Variants in NCKAP5 observed in about 807,000 individuals in gnomAD.
The protein encoded by NCKAP5 is NCK associated protein 5.
In NCKAP5, 92 loss-of-function variants were observed where a neutral mutation model predicts 167.0. The ratio of observed to expected loss-of-function variants is 0.55; its 90% CI spans 0.47 to 0.66. The LOEUF is 0.66. Ranked by LOEUF, NCKAP5 falls within the 30% of genes least tolerant of loss-of-function variation. NCKAP5 has a pLI of 0.00. For synonymous variants in NCKAP5, 891 were observed against 877.4 expected, an observed-to-expected ratio of 1.02 and a Z score of -0.27; for missense variants, 2,378 against 2,315.0, an observed-to-expected ratio of 1.03 and a Z score of -0.56.
chr2:133,313,717 G>A (rs1212925671), intron 3 of NCKAP5, among the ~76,000 whole-genome samples: 2 of 151,818 alleles, frequency 1.3e-5, no homozygotes, highest in Non-Finnish European at 2.9e-5. Flanking sequence ...TCAGTAACAT[G>A]TCATTTGTCA....
intron 3 of NCKAP5, among the ~76,000 whole-genome samples, chr2:133,354,224 T>C (rs977482323): frequency 6.6e-6 from 1 of 151,920 alleles, no homozygotes; most frequent in Non-Finnish European, 1.5e-5. Context: ...AGAGACAAAC[T>C]TCCTTTCCTA....
intron 5 of NCKAP5, among the ~76,000 whole-genome samples, chr2:133,202,156 C>G (rs2085723002): frequency 6.6e-6 from 1 of 152,130 alleles, no homozygotes; most frequent in Non-Finnish European, 1.5e-5. Context: ...CTACAGTAAC[C>G]AAAACAGCAT....
At chr2:133,540,036 T>C (rs1411276502) in intron 2 of NCKAP5, among the ~76,000 whole-genome samples, 11 of 152,188 alleles carry the variant, frequency 7.2e-5, no homozygotes, top group Middle Eastern at 3.4e-3. Flanking sequence ...TAAAGTTAGC[T>C]GGGCGTGGTA....
At chr2:132,920,781 A>ATGTATG (rs1384191821) in intron 8 of NCKAP5, among the ~76,000 whole-genome samples, 1 of 46,102 alleles carries the variant, frequency 2.2e-5, no homozygotes, top group Non-Finnish European at 3.8e-5. Flanking sequence ...GTATATATAT[A>ATGTATG]TATATATATA....
intron 3 of NCKAP5, among the ~76,000 whole-genome samples, chr2:133,503,264 T>C (rs61599793): frequency 0.062 from 9,454 of 152,282 alleles, 327 homozygotes; most frequent in South Asian, 0.16. Flanking sequence ...ACTGGGGGTA[T>C]AACTGTGAAC....
intron 8 of NCKAP5, among the ~76,000 whole-genome samples, chr2:132,890,589 G>C (rs1466763085): frequency 1.3e-5 from 2 of 152,170 alleles, no homozygotes; most frequent in Admixed American, 1.3e-4. Context: ...CCAGCCAGGT[G>C]AGTGCATTTT....
intron 15 of NCKAP5, among the ~76,000 whole-genome samples, chr2:132,774,771 G>A (rs567509272): frequency 6.6e-6 from 1 of 152,198 alleles, no homozygotes; most frequent in African/African-American, 2.4e-5. Flanking sequence ...TACTGGGCAG[G>A]TGCTGTTTGC....
intron 12 of NCKAP5, among the ~76,000 whole-genome samples, chr2:132,793,625 A>C (rs758485287): frequency 6.6e-6 from 1 of 152,218 alleles, no homozygotes; most frequent in Non-Finnish European, 1.5e-5. Context: ...CTCTTATGTG[A>C]GTTCCCTAGC....
intron 3 of NCKAP5, among the ~76,000 whole-genome samples, chr2:133,322,343 C>A (rs1682116764): frequency 6.6e-6 from 1 of 152,194 alleles, no homozygotes. Context: ...AAAAAGGTAT[C>A]ATCTGTGATT....
At chr2:133,352,155 C>T (rs1403211827) in intron 3 of NCKAP5, among the ~76,000 whole-genome samples, 2 of 152,154 alleles carry the variant, frequency 1.3e-5, no homozygotes, top group Non-Finnish European at 2.9e-5. Context: ...CCATTTAAAA[C>T]CTAAATAACC....
chr2:133,651,611 C>G, the NCKAP5 span, among the ~76,000 whole-genome samples: 3 of 152,078 alleles, frequency 2.0e-5, no homozygotes, highest in Non-Finnish European at 4.4e-5. Flanking sequence ...ATGGAAGTTC[C>G]TCAAAAATCA....
chr2:132,863,453 AAAAAAAAAAAAG>A lies in NCKAP5; in HGVS notation c.688-2854_688-2843del, dbSNP rs1690097502. On this transcript the variant is annotated intron_variant, in intron 10 of 19. Coordinates refer to ENST00000409261, the MANE Select transcript of NCKAP5 (RefSeq NM_207363.3). The stretch of plus-strand genomic sequence containing the variant: ...GAAAGAGTTCTTCAGATGGGTAAAA[AAAAAAAAAAAAG>A]AAAAAGAAAGAATGAAAGAAAAAAA... Among the ~76,000 whole-genome samples, 3 of 151,236 alleles carry A rather than the reference AAAAAAAAAAAAG, an allele frequency of 2.0e-5. No homozygotes were observed. In the South Asian group the frequency reaches 6.2e-4, roughly 31 times the overall value.
At chr2:133,217,318 TA>T (rs2086473377) in intron 4 of NCKAP5, among the ~76,000 whole-genome samples, 1 of 151,986 alleles carries the variant, frequency 6.6e-6, no homozygotes, top group Non-Finnish European at 1.5e-5. Flanking sequence ...TAGTCCCACC[TA>T]AACAAAAAAA....
chr2:133,011,145 A>G (rs924901184), intron 6 of NCKAP5, among the ~76,000 whole-genome samples: 4 of 152,184 alleles, frequency 2.6e-5, no homozygotes, highest in Non-Finnish European at 4.4e-5. Flanking sequence ...GATACACACA[A>G]CATTATTTTC....
At chr2:133,649,150 A>C in the NCKAP5 span, among the ~76,000 whole-genome samples, 4 of 151,542 alleles carry the variant, frequency 2.6e-5, no homozygotes, top group African/African-American at 9.7e-5. Flanking sequence ...AACATTAATA[A>C]ATTCCTAGAA....
chr2:133,274,322 C>A (rs2115865), intron 4 of NCKAP5, among the ~76,000 whole-genome samples: 2 of 151,700 alleles, frequency 1.3e-5, no homozygotes, highest in East Asian at 3.9e-4. Context: ...TTAGAAGATA[C>A]GAATAAACTT....
intron 16 of NCKAP5, among the ~76,000 whole-genome samples, chr2:132,772,597 G>A (rs986250809): frequency 2.0e-5 from 3 of 152,094 alleles, no homozygotes; most frequent in African/African-American, 2.4e-5. Flanking sequence ...TATTTAACTC[G>A]AATATTAGCT....
At chr2:133,253,447 T>C (rs1412173107) in intron 4 of NCKAP5, among the ~76,000 whole-genome samples, 2 of 152,206 alleles carry the variant, frequency 1.3e-5, no homozygotes, top group Non-Finnish European at 2.9e-5. Flanking sequence ...CAGAAGTTAA[T>C]CACTGGGTTT....
At chr2:133,251,831 C>T (rs900465485) in intron 4 of NCKAP5, among the ~76,000 whole-genome samples, 1 of 152,088 alleles carries the variant, frequency 6.6e-6, no homozygotes, top group Non-Finnish European at 1.5e-5. Flanking sequence ...AAGCATATTC[C>T]TTTTAACAGC....
Sources: gnomAD v4.1 joint callset for allele counts (sites outside exome capture counted in the v4.1 genomes callset) on GRCh38, gnomAD v4.1.1 for gene constraint, MANE v1.5 for transcripts, NCBI Gene and HGNC (gene_info 2026-07-23, HGNC 2026-07-21) for gene names.